The following PTPRM variants were observed in gnomAD, a reference collection of about 807,000 sequenced individuals.
PTPRM encodes protein tyrosine phosphatase receptor type M, also known as receptor-type tyrosine-protein phosphatase mu.
In PTPRM, 47 loss-of-function variants were observed where a neutral mutation model predicts 186.7. That is an observed-to-expected ratio of 0.25 (90% CI 0.20 to 0.32). The LOEUF is 0.32. PTPRM is among the 10% of genes least tolerant of loss of function. PTPRM has a pLI of 1.00. For synonymous variants in PTPRM, 668 were observed against 674.9 expected, an observed-to-expected ratio of 0.99 and a Z score of 0.16; for missense variants, 1,494 against 1,865.0, an observed-to-expected ratio of 0.80 and a Z score of 3.66.
intron 5 of PTPRM, among the ~76,000 whole-genome samples, chr18:7,943,242 T>C (rs902916629): frequency 6.6e-6 from 1 of 152,126 alleles, no homozygotes; most frequent in Non-Finnish European, 1.5e-5. Context: ...TGTTTTCCTG[T>C]TTCTTTCTTC....
At chr18:7,725,059 G>A (rs1476157723) in intron 1 of PTPRM, among the ~76,000 whole-genome samples, 2 of 152,172 alleles carry the variant, frequency 1.3e-5, no homozygotes, top group East Asian at 3.9e-4. Context: ...CAGAGACAAA[G>A]GGTCTTCAGT....
chr18:7,944,523 A>G (rs138827064), intron 5 of PTPRM, among the ~76,000 whole-genome samples: 23 of 152,284 alleles, frequency 1.5e-4, no homozygotes, highest in African/African-American at 4.8e-4. Context: ...AATCTTTAAC[A>G]TGTCATACTT....
Position 7,668,223 on chromosome 18 carries a change from G to A in PTPRM, c.73+100332G>A, listed in dbSNP as rs554954448. Among the ~76,000 whole-genome samples, 1 of 152,248 alleles carries A rather than the reference G, an allele frequency of 6.6e-6. No homozygotes were observed. The highest frequency in any genetic ancestry group is 6.5e-5 in the Admixed American group (1 of 15,292). ...CTGCACCACGGTGGTGCCCGCAGAC[G>A]CTGCTTCGTGTCCCCCATGACAGCT... On this transcript the variant is annotated intron_variant, in intron 1 of 32. Transcript: ENST00000580170. This position sits in a 1 kb window ranked among gnomAD's most constrained non-coding sequence, Gnocchi z 4.7.
At chr18:7,684,836 A>T (rs2144600284) in intron 1 of PTPRM, among the ~76,000 whole-genome samples, 1 of 152,198 alleles carries the variant, frequency 6.6e-6, no homozygotes, top group African/African-American at 2.4e-5. Context: ...CAGGATCCTG[A>T]TTTCAATTTC....
At chr18:8,247,952 C>G (rs1308603323) in intron 16 of PTPRM, 33 bp downstream of exon 16, 3 of 1,507,234 alleles carry the variant, frequency 2.0e-6, no homozygotes, top group Non-Finnish European at 9.2e-7. Flanking sequence ...CCTCTCTGCT[C>G]TCTCCTCAGC....
intron 14 of PTPRM, among the ~76,000 whole-genome samples, chr18:8,155,870 A>T (rs1176839067): frequency 6.6e-6 from 1 of 151,916 alleles, no homozygotes; most frequent in East Asian, 1.9e-4. Context: ...TCAAAGTTTT[A>T]TTTCAAAATC....
At chr18:8,083,754 A>G (rs967234190) in intron 9 of PTPRM, among the ~76,000 whole-genome samples, 3 of 152,156 alleles carry the variant, frequency 2.0e-5, no homozygotes, top group Non-Finnish European at 2.9e-5. Flanking sequence ...ATAGGTAGAA[A>G]ACATGGAAAC....
chr18:8,275,345 G>C (rs1379550004), intron 19 of PTPRM, among the ~76,000 whole-genome samples: 1 of 152,156 alleles, frequency 6.6e-6, no homozygotes, highest in Non-Finnish European at 1.5e-5. Context: ...CTCGGAGGCT[G>C]AGGTGGGAGG....
chr18:7,897,202 AC>A (rs763421887), intron 3 of PTPRM, among the ~76,000 whole-genome samples: 9 of 152,296 alleles, frequency 5.9e-5, no homozygotes, highest in Non-Finnish European at 1.2e-4. Flanking sequence ...TCCGGGAAGG[AC>A]ACATGGTGAG....
At chr18:7,986,789 C>T (rs963922000) in intron 7 of PTPRM, among the ~76,000 whole-genome samples, 1 of 152,142 alleles carries the variant, frequency 6.6e-6, no homozygotes, top group African/African-American at 2.4e-5. Flanking sequence ...GAAGTCCTAA[C>T]CCCAGTATTA....
chr18:8,372,196 C>G (rs1002881351), intron 24 of PTPRM, among the ~76,000 whole-genome samples: 1 of 147,096 alleles, frequency 6.8e-6, no homozygotes. Flanking sequence ...CTCAGCCTCC[C>G]GAGTAGCTGG....
At chr18:8,389,540 T>C (rs557822510) in intron 31 of PTPRM, among the ~76,000 whole-genome samples, 1 of 152,268 alleles carries the variant, frequency 6.6e-6, no homozygotes, top group South Asian at 2.1e-4. Context: ...CATTTTCCAC[T>C]GAGAGAACCT....
At position 8,406,511 on chromosome 18, in the gene PTPRM, T is replaced by C; in HGVS notation, c.*349T>C. 4.4e-6 allele frequency: 1 copy of C among 227,294 alleles called. No individual in the cohort carries two copies. Among genetic ancestry groups the C allele is most frequent in the Non-Finnish European group, 8.7e-6 (1 of 115,152 alleles). The allele number at this position is 227,294 out of a possible 1,614,324, so 14.1% of individuals were successfully genotyped here. On this transcript the variant is annotated 3_prime_UTR_variant, in exon 33 of 33. Coordinates refer to ENST00000580170, the MANE Select transcript of PTPRM (RefSeq NM_001105244.2). ...ATTTTGTGGCCCGTGACCCTCGTTA[T>C]TGTTACAGCTGAGTGTATGTTTTTG... is the stretch of plus-strand genomic sequence containing the variant.
chr18:7,859,566 G>A (rs1599109173), intron 2 of PTPRM, among the ~76,000 whole-genome samples: 2 of 152,178 alleles, frequency 1.3e-5, no homozygotes, highest in South Asian at 2.1e-4. Flanking sequence ...GGCACCTCTG[G>A]CCCAAGTATG....
chr18:7,882,289 T>C (rs567572586), intron 2 of PTPRM, among the ~76,000 whole-genome samples: 1 of 152,356 alleles, frequency 6.6e-6, no homozygotes, highest in Non-Finnish European at 1.5e-5. Flanking sequence ...TTTATATAAA[T>C]TGGTCTGAGA....
Position 7,812,811 on chromosome 18 carries a change from A to G in PTPRM, c.196+38540A>G, listed in dbSNP as rs77360044. On this transcript the variant is annotated intron_variant, in intron 2 of 32. Transcript: ENST00000580170. Reference sequence around the variant, plus strand: ...TGGGTCTGGATGGTCTAGCTCTTTGAAGAGTGAACATTAAGTGCCACTGCA... The same window carrying G: ...TGGGTCTGGATGGTCTAGCTCTTTGGAGAGTGAACATTAAGTGCCACTGCA... Among the ~76,000 whole-genome samples, 936 of 152,108 alleles carry G rather than the reference A, an allele frequency of 6.2e-3. 2 individuals carry two copies. Among genetic ancestry groups the G allele is most frequent in the African/African-American group, 0.021 (886 of 41,486 alleles).
At chr18:8,317,949 T>A (rs2095321176) in intron 21 of PTPRM, among the ~76,000 whole-genome samples, 2 of 152,062 alleles carry the variant, frequency 1.3e-5, no homozygotes, top group African/African-American at 4.8e-5. Context: ...GTCTAAAGAG[T>A]TCTATTTAAT....
At chr18:8,168,452 T>C (rs1363789702) in intron 14 of PTPRM, among the ~76,000 whole-genome samples, 1 of 152,228 alleles carries the variant, frequency 6.6e-6, no homozygotes, top group Non-Finnish European at 1.5e-5. Flanking sequence ...GTGTATAGAC[T>C]ACATTTGGAG....
intron 20 of PTPRM, among the ~76,000 whole-genome samples, chr18:8,302,731 T>C (rs1006078690): frequency 1.3e-5 from 2 of 151,882 alleles, no homozygotes; most frequent in African/African-American, 2.4e-5. Context: ...GTTTCCGACT[T>C]ACTGGAGGAT....
Sources: allele counts gnomAD v4.1 joint callset (sites outside exome capture counted in the v4.1 genomes callset), GRCh38; gene constraint gnomAD v4.1.1; non-coding constraint Gnocchi (gnomAD v3.1); transcripts MANE v1.5; gene names NCBI Gene and HGNC (gene_info 2026-07-23, HGNC 2026-07-21).